Variants in NXPE2 observed in about 807,000 individuals in gnomAD.
The protein encoded by NXPE2 is neurexophilin and PC-esterase domain family member 2, also known as NXPE family member 2.
In NXPE2, 34 loss-of-function variants were observed where a neutral mutation model predicts 34.4. That is an observed-to-expected ratio of 0.99 (90% CI 0.75 to 1.31). The LOEUF is 1.31. NXPE2 is among the 40% of genes most tolerant of loss of function. NXPE2 has a pLI of 0.00. For synonymous variants in NXPE2, 235 were observed against 231.3 expected, an observed-to-expected ratio of 1.02 and a Z score of -0.15; for missense variants, 649 against 672.5, an observed-to-expected ratio of 0.97 and a Z score of 0.39.
intron 2 of NXPE2, among the ~76,000 whole-genome samples, chr11:114,680,514 TATA>T (rs1404157701): frequency 6.6e-6 from 1 of 152,116 alleles, no homozygotes; most frequent in Non-Finnish European, 1.5e-5. Context: ...GGGCCCTCTC[TATA>T]AATATGTGTT....
the NXPE2 span, among the ~76,000 whole-genome samples, chr11:114,577,008 G>GTT: frequency 9.6e-5 from 1 of 10,442 alleles, no homozygotes; most frequent in Non-Finnish European, 1.6e-4. Flanking sequence ...TATATATAAA[G>GTT]TTATATATAT....
the NXPE2 span, among the ~76,000 whole-genome samples, chr11:114,813,419 C>T: frequency 3.3e-5 from 5 of 152,226 alleles, no homozygotes; most frequent in Admixed American, 1.3e-4. Flanking sequence ...TCCAAACACA[C>T]GCCCCTTGGA....
the NXPE2 span, among the ~76,000 whole-genome samples, chr11:114,720,369 T>C: frequency 2.6e-5 from 4 of 152,238 alleles, no homozygotes; most frequent in African/African-American, 9.6e-5. Context: ...TCCCTTGATA[T>C]ATCTGAAGGC....
At chr11:114,687,077 G>A (rs181500499) in intron 2 of NXPE2, among the ~76,000 whole-genome samples, 27 of 152,194 alleles carry the variant, frequency 1.8e-4, no homozygotes, top group African/African-American at 5.8e-4. Context: ...TGTTTGTTCT[G>A]TTGATAGTTT....
At chr11:114,603,986 G>A in the NXPE2 span, among the ~76,000 whole-genome samples, 1 of 151,544 alleles carries the variant, frequency 6.6e-6, no homozygotes, top group Non-Finnish European at 1.5e-5. Context: ...TGGATAATAA[G>A]TATTGCCTCG....
chr11:114,493,259 T>TA, the NXPE2 span, among the ~76,000 whole-genome samples: 3 of 152,214 alleles, frequency 2.0e-5, no homozygotes, highest in Non-Finnish European at 4.4e-5. Context: ...TTTTTGTTTT[T>TA]ATCCTTTCAG....
the NXPE2 span, among the ~76,000 whole-genome samples, chr11:114,514,260 T>C: frequency 6.6e-6 from 1 of 152,234 alleles, no homozygotes; most frequent in Non-Finnish European, 1.5e-5. Context: ...GCTGGACGTA[T>C]AGGTTTTCTT....
the NXPE2 span, among the ~76,000 whole-genome samples, chr11:114,626,423 C>T: frequency 6.6e-6 from 1 of 152,154 alleles, no homozygotes; most frequent in Non-Finnish European, 1.5e-5. Context: ...CAGACTGACA[C>T]CTCACGTGGC....
chr11:114,710,633 G>T (rs1859594616), downstream of NXPE2, among the ~76,000 whole-genome samples: 1 of 151,864 alleles, frequency 6.6e-6, no homozygotes, highest in African/African-American at 2.4e-5. Context: ...ACAATAAAAA[G>T]CCTAGGCCCA....
the NXPE2 span, among the ~76,000 whole-genome samples, chr11:114,482,019 C>A: frequency 6.9e-6 from 1 of 145,386 alleles, no homozygotes; most frequent in Admixed American, 6.8e-5. Context: ...TTGAGAGAGG[C>A]TTTAATCCAC....
the NXPE2 span, among the ~76,000 whole-genome samples, chr11:114,662,049 C>T: frequency 6.6e-6 from 1 of 152,162 alleles, no homozygotes; most frequent in Non-Finnish European, 1.5e-5. Flanking sequence ...ACCAATTTAA[C>T]AACTATCGAC....
chr11:114,562,387 C>T, the NXPE2 span, among the ~76,000 whole-genome samples: 1 of 152,224 alleles, frequency 6.6e-6, no homozygotes, highest in Non-Finnish European at 1.5e-5. Context: ...CACACATTCT[C>T]AGTGCTTCCA....
the NXPE2 span, among the ~76,000 whole-genome samples, chr11:114,623,706 C>T: frequency 6.6e-6 from 1 of 152,100 alleles, no homozygotes; most frequent in Non-Finnish European, 1.5e-5. Context: ...AACAGTGTTA[C>T]CCGATGGATA....
At chr11:114,540,103 C>A in the NXPE2 span, among the ~76,000 whole-genome samples, 47 of 152,304 alleles carry the variant, frequency 3.1e-4, 1 homozygote, top group African/African-American at 8.7e-4. Flanking sequence ...TTACAGACGC[C>A]TGCCATCATG....
the NXPE2 span, among the ~76,000 whole-genome samples, chr11:114,577,855 C>T: frequency 6.6e-6 from 1 of 152,108 alleles, no homozygotes; most frequent in Non-Finnish European, 1.5e-5. Flanking sequence ...TCTGTGTTTC[C>T]TTCACATATG....
chr11:114,599,468 G>A, the NXPE2 span, among the ~76,000 whole-genome samples: 7 of 152,038 alleles, frequency 4.6e-5, no homozygotes, highest in Non-Finnish European at 8.8e-5. Flanking sequence ...TATATTTATG[G>A]CAGTGTTCCA....
the NXPE2 span, among the ~76,000 whole-genome samples, chr11:114,633,810 C>G: frequency 6.6e-6 from 1 of 151,990 alleles, no homozygotes; most frequent in African/African-American, 2.4e-5. Flanking sequence ...TTTTTTATGG[C>G]TGCATAGTAT....
the NXPE2 span, among the ~76,000 whole-genome samples, chr11:114,732,716 A>G: frequency 1.3e-5 from 2 of 152,084 alleles, no homozygotes; most frequent in African/African-American, 2.4e-5. Context: ...GTTTTCTCCT[A>G]TTGAATGGAT....
chr11:114,651,532 C>T, the NXPE2 span, among the ~76,000 whole-genome samples: 8 of 152,168 alleles, frequency 5.3e-5, no homozygotes, highest in African/African-American at 1.7e-4. Flanking sequence ...GAAGAGAATC[C>T]GAAAAGATTG....
Sources: gnomAD v4.1 joint callset for allele counts (sites outside exome capture counted in the v4.1 genomes callset) on GRCh38, gnomAD v4.1.1 for gene constraint, MANE v1.5 for transcripts, NCBI Gene and HGNC (gene_info 2026-07-23, HGNC 2026-07-21) for gene names.